The following PRR16 variants were observed in gnomAD, a reference collection of about 807,000 sequenced individuals.
PRR16 encodes the protein protein Largen.
In PRR16, 6 loss-of-function variants were observed where a neutral mutation model predicts 18.2. The observed-to-expected ratio is 0.33, with a 90% confidence interval of 0.18 to 0.65. PRR16 has a LOEUF of 0.65. Among genes scored for constraint, PRR16 ranks in the 30% least tolerant of loss-of-function variants. The pLI, the probability that PRR16 is intolerant of heterozygous loss-of-function variation, is 0.74. For missense variants in PRR16, 412 were observed against 376.6 expected, an observed-to-expected ratio of 1.09 and a Z score of -0.78; for synonymous variants, 151 against 147.8, an observed-to-expected ratio of 1.02 and a Z score of -0.16.
chr5:120,751,848 C>A, the PRR16 span, among the ~76,000 whole-genome samples: 2 of 151,832 alleles, frequency 1.3e-5, no homozygotes, highest in African/African-American at 4.8e-5. Context: ...CACAGGTAGG[C>A]CTTTATGTAT....
intron 1 of PRR16, among the ~76,000 whole-genome samples, chr5:120,667,861 A>T (rs1033609530): frequency 6.6e-6 from 1 of 151,788 alleles, no homozygotes; most frequent in Non-Finnish European, 1.5e-5. Context: ...TGCTGAGGAG[A>T]GCTTTACTTC....
chr5:120,709,733 G>T, the PRR16 span, among the ~76,000 whole-genome samples: 1 of 152,028 alleles, frequency 6.6e-6, no homozygotes, highest in Admixed American at 6.6e-5. Context: ...GAGAACATAG[G>T]ATAGTTGTCT....
the PRR16 span, among the ~76,000 whole-genome samples, chr5:120,694,608 CCAG>C: frequency 3.3e-4 from 50 of 151,388 alleles, no homozygotes; most frequent in African/African-American, 7.3e-4. Flanking sequence ...GGCGTGAACC[CCAG>C]GGGGCGGAGC....
intron 1 of PRR16, among the ~76,000 whole-genome samples, chr5:120,537,429 A>G (rs1183390412): frequency 1.3e-5 from 2 of 152,154 alleles, no homozygotes; most frequent in South Asian, 2.1e-4. Context: ...CTCAATTACT[A>G]CAGTACACAT....
At chr5:120,534,433 A>G (rs1751649710) in intron 1 of PRR16, among the ~76,000 whole-genome samples, 1 of 152,202 alleles carries the variant, frequency 6.6e-6, no homozygotes, top group African/African-American at 2.4e-5. Flanking sequence ...AGCACCTAAT[A>G]GAAATGCTCA....
the PRR16 span, among the ~76,000 whole-genome samples, chr5:120,731,133 A>G: frequency 1.3e-5 from 2 of 152,204 alleles, no homozygotes; most frequent in African/African-American, 4.8e-5. Flanking sequence ...ATATGTCAAC[A>G]GATCTCAGAA....
chr5:120,748,342 G>C, the PRR16 span, among the ~76,000 whole-genome samples: 1 of 151,910 alleles, frequency 6.6e-6, no homozygotes, highest in African/African-American at 2.4e-5. Flanking sequence ...CTTTACTTTT[G>C]ACAAACTAAT....
downstream of PRR16, chr5:120,687,319 C>A (rs1330475799): frequency 6.6e-6 from 1 of 152,004 alleles, no homozygotes; most frequent in Non-Finnish European, 1.5e-5. Flanking sequence ...AGCAAATGTT[C>A]CTCAGAATTA....
chr5:120,784,837 CTT>C, the PRR16 span, among the ~76,000 whole-genome samples: 1 of 152,142 alleles, frequency 6.6e-6, no homozygotes. Context: ...TCTCTCTTCT[CTT>C]AGAATCACAA....
chr5:120,548,612 A>C (rs1752149563), intron 1 of PRR16, among the ~76,000 whole-genome samples: 1 of 152,046 alleles, frequency 6.6e-6, no homozygotes, highest in South Asian at 2.1e-4. Flanking sequence ...TTTAAGGGTC[A>C]GATGTTACTA....
At chr5:120,561,147 C>T (rs1463215457) in intron 1 of PRR16, among the ~76,000 whole-genome samples, 3 of 151,156 alleles carry the variant, frequency 2.0e-5, no homozygotes, top group African/African-American at 7.3e-5. Flanking sequence ...ATTCCTTTTT[C>T]TCTACTAATT....
chr5:120,678,240 A>G (rs1026222135), intron 1 of PRR16, among the ~76,000 whole-genome samples: 1 of 152,122 alleles, frequency 6.6e-6, no homozygotes, highest in Non-Finnish European at 1.5e-5. Context: ...AGTTAGGCAA[A>G]ATAGGAAGAG....
the PRR16 span, among the ~76,000 whole-genome samples, chr5:120,733,681 T>G: frequency 1.2e-4 from 19 of 152,174 alleles, no homozygotes; most frequent in Non-Finnish European, 2.4e-4. Flanking sequence ...GCTAGAGTTT[T>G]CAAACTGTAA....
chr5:120,716,000 T>C, the PRR16 span, among the ~76,000 whole-genome samples: 1 of 152,156 alleles, frequency 6.6e-6, no homozygotes, highest in Non-Finnish European at 1.5e-5. Context: ...CGAGGATTAG[T>C]TCAGCCTCCA....
chr5:120,526,220 T>G (rs142508422), intron 1 of PRR16, among the ~76,000 whole-genome samples: 2,509 of 152,260 alleles, frequency 0.016, 25 homozygotes, highest in Middle Eastern at 0.13. Flanking sequence ...GTCATTAATA[T>G]GTAAGCTTTG....
chr5:120,547,410 A>G (rs1245706177), intron 1 of PRR16, among the ~76,000 whole-genome samples: 1 of 152,080 alleles, frequency 6.6e-6, no homozygotes, highest in Non-Finnish European at 1.5e-5. Context: ...TCCAAGTGAG[A>G]CAGGAAACAA....
the PRR16 span, among the ~76,000 whole-genome samples, chr5:120,764,835 C>G: frequency 3.3e-5 from 5 of 151,946 alleles, no homozygotes; most frequent in African/African-American, 1.2e-4. Context: ...TTTCTGCCAC[C>G]CACTGGCATT....
At chr5:120,548,822 TGC>T (rs1353338397) in intron 1 of PRR16, among the ~76,000 whole-genome samples, 1 of 97,872 alleles carries the variant, frequency 1.0e-5, no homozygotes, top group Non-Finnish European at 2.3e-5. Context: ...ACTGCGTGAC[TGC>T]CATCCTATCT....
At chr5:120,523,114 T>C (rs1340860662) in intron 1 of PRR16, among the ~76,000 whole-genome samples, 2 of 143,410 alleles carry the variant, frequency 1.4e-5, no homozygotes, top group African/African-American at 2.7e-5. Context: ...TTAACTGGAA[T>C]GATTTGCTTT....
Sources: allele counts gnomAD v4.1 joint callset (sites outside exome capture counted in the v4.1 genomes callset), GRCh38; gene constraint gnomAD v4.1.1; transcripts MANE v1.5; gene names NCBI Gene and HGNC (gene_info 2026-07-23, HGNC 2026-07-21).